Variants in DLG2 observed in about 807,000 individuals in gnomAD.
DLG2 encodes disks large homolog 2.
Under a neutral mutation model 132.5 loss-of-function variants are expected in DLG2, and 45 were observed. The observed-to-expected ratio is 0.34, with a 90% CI of 0.27 to 0.44. The LOEUF is 0.44. Ranked by LOEUF, DLG2 falls within the 20% of genes least tolerant of loss-of-function variation. DLG2 has a pLI of 1.00. For missense variants in DLG2, 1,045 were observed against 1,196.9 expected, an observed-to-expected ratio of 0.87 and a Z score of 1.87; for synonymous variants, 424 against 419.6, an observed-to-expected ratio of 1.01 and a Z score of -0.13.
chr11:84,857,917 G>A (rs1416363435), intron 6 of DLG2, among the ~76,000 whole-genome samples: 1 of 151,596 alleles, frequency 6.6e-6, no homozygotes, highest in South Asian at 2.1e-4. Context: ...TTGAGACAAG[G>A]TCTCACTGTG....
intron 21 of DLG2, among the ~76,000 whole-genome samples, chr11:83,520,259 T>C (rs1179625025): frequency 6.6e-6 from 1 of 152,222 alleles, no homozygotes; most frequent in Non-Finnish European, 1.5e-5. Context: ...GGAAAAGTTC[T>C]CACTTTGTAG....
At chr11:84,950,914 G>A (rs1452122558) in intron 6 of DLG2, among the ~76,000 whole-genome samples, 1 of 151,998 alleles carries the variant, frequency 6.6e-6, no homozygotes. Context: ...GTAACCATGA[G>A]ACATTACTTC....
chr11:85,015,598 C>A (rs1471309083), intron 6 of DLG2, among the ~76,000 whole-genome samples: 1 of 151,928 alleles, frequency 6.6e-6, no homozygotes, highest in East Asian at 1.9e-4. Flanking sequence ...GCAAAAAGAG[C>A]AAAAGCTTGA....
intron 4 of DLG2, among the ~76,000 whole-genome samples, chr11:85,267,474 C>T (rs1281160441): frequency 6.6e-6 from 1 of 152,188 alleles, no homozygotes; most frequent in Non-Finnish European, 1.5e-5. Context: ...GGACAGAGAT[C>T]TGATCTCACT....
At chr11:84,789,527 T>A (rs1230535560) in intron 6 of DLG2, among the ~76,000 whole-genome samples, 3 of 152,136 alleles carry the variant, frequency 2.0e-5, no homozygotes, top group Non-Finnish European at 2.9e-5. Context: ...GAAGTATCTA[T>A]CCCCTCAAGC....
intron 19 of DLG2, among the ~76,000 whole-genome samples, chr11:83,607,357 T>G (rs1298748476): frequency 6.6e-6 from 1 of 152,168 alleles, no homozygotes; most frequent in Non-Finnish European, 1.5e-5. Flanking sequence ...TCTCATACTC[T>G]CAATTCACAG....
intron 3 of DLG2, among the ~76,000 whole-genome samples, chr11:85,334,553 T>A (rs2081996085): frequency 6.6e-6 from 1 of 152,214 alleles, no homozygotes; most frequent in Non-Finnish European, 1.5e-5. Flanking sequence ...TGTAACTTGT[T>A]AACATGGGCT....
chr11:85,065,005 T>C (rs2064695277), intron 6 of DLG2, among the ~76,000 whole-genome samples: 1 of 151,592 alleles, frequency 6.6e-6, no homozygotes, highest in African/African-American at 2.4e-5. Flanking sequence ...AGATAAGTAG[T>C]ATATCTGTGG....
intron 4 of DLG2, among the ~76,000 whole-genome samples, chr11:85,225,242 C>A (rs1369679995): frequency 2.0e-5 from 3 of 152,084 alleles, no homozygotes; most frequent in Non-Finnish European, 4.4e-5. Flanking sequence ...CACTGCCCAG[C>A]AATCCTTTCA....
At chr11:85,333,781 C>T (rs887820144) in intron 3 of DLG2, among the ~76,000 whole-genome samples, 16 of 152,068 alleles carry the variant, frequency 1.1e-4, no homozygotes, top group African/African-American at 3.6e-4. Context: ...ATAAAGCCTA[C>T]CTGATTGTGG....
At chr11:83,742,382 T>G (rs1333247934) in intron 18 of DLG2, among the ~76,000 whole-genome samples, 1 of 151,802 alleles carries the variant, frequency 6.6e-6, no homozygotes. Flanking sequence ...AAGAGAAAAA[T>G]AAATAGTACT....
At chr11:83,478,273 T>G (rs1210457573) in intron 22 of DLG2, among the ~76,000 whole-genome samples, 1 of 152,118 alleles carries the variant, frequency 6.6e-6, no homozygotes, top group East Asian at 1.9e-4. Context: ...CTCTTCTTAC[T>G]TTTGTTCATT....
intron 7 of DLG2, among the ~76,000 whole-genome samples, chr11:84,307,211 G>C (rs2098229236): frequency 6.6e-6 from 1 of 152,320 alleles, no homozygotes; most frequent in African/African-American, 2.4e-5. Flanking sequence ...CATAGATGCA[G>C]CTGGAGGTCA....
At chr11:84,517,059 A>T (rs1415270303) in intron 7 of DLG2, among the ~76,000 whole-genome samples, 2 of 28,422 alleles carry the variant, frequency 7.0e-5, no homozygotes, top group Non-Finnish European at 1.8e-4. Flanking sequence ...ATTCTATCCT[A>T]AAAAAAAAAA....
chr11:84,714,558 T>TCTCTCTTTCTCA (rs1491365515), intron 6 of DLG2, among the ~76,000 whole-genome samples: 1 of 59,496 alleles, frequency 1.7e-5, no homozygotes, highest in African/African-American at 1.8e-4. Context: ...TTTCTCTCTC[T>TCTCTCTTTCTCA]TTCTCTTTCT....
In DLG2 at chr11:85,132,978, A is replaced by G. The variant is rs2075848333; in HGVS notation, c.283-21243T>C. On this transcript the variant is annotated intron_variant, in intron 5 of 27. Coordinates refer to ENST00000376104, the MANE Select transcript of DLG2 (RefSeq NM_001142699.3). ...CTCCTCCATACAGCTCAAGGCAAGC[A>G]GGATTCTGCTAGGCACCAGAAAATC... 8.5e-6 allele frequency: 3 copies of G among 352,910 alleles called. No homozygotes were observed. In the Admixed American group the frequency reaches 1.1e-4, roughly 13 times the overall value. The allele number at this position is 352,910 out of a possible 1,614,324, so 21.9% of individuals were successfully genotyped here.
At chr11:85,440,220 T>C (rs1285446089) in intron 3 of DLG2, among the ~76,000 whole-genome samples, 1 of 152,228 alleles carries the variant, frequency 6.6e-6, no homozygotes, top group African/African-American at 2.4e-5. Context: ...TTTGTCTCCC[T>C]TCTATGTATT....
chr11:84,403,004 C>T (rs1409148897), intron 7 of DLG2, among the ~76,000 whole-genome samples: 1 of 151,798 alleles, frequency 6.6e-6, no homozygotes, highest in East Asian at 1.9e-4. Context: ...TTCTCTCTCT[C>T]TCTCTCTCTG....
At chr11:83,813,500 G>A (rs773700770) in intron 17 of DLG2, among the ~76,000 whole-genome samples, 1 of 152,052 alleles carries the variant, frequency 6.6e-6, no homozygotes, top group Admixed American at 6.6e-5. Context: ...AGTGACACAA[G>A]GCCTTTTCAC....
Sources: allele counts gnomAD v4.1 joint callset (sites outside exome capture counted in the v4.1 genomes callset), GRCh38; gene constraint gnomAD v4.1.1; transcripts MANE v1.5; gene names NCBI Gene and HGNC (gene_info 2026-07-23, HGNC 2026-07-21).